Variants in ZNF585B observed in about 807,000 individuals in gnomAD.
The protein encoded by ZNF585B is zinc finger protein 41-like protein.
In ZNF585B, 7 loss-of-function variants were observed where a neutral mutation model predicts 14.0. The observed-to-expected ratio is 0.50, with a 90% confidence interval of 0.28 to 0.94. The LOEUF (loss-of-function observed/expected upper bound fraction) is 0.94. Ranked by LOEUF, ZNF585B falls within the 40% of genes least tolerant of loss-of-function variation. ZNF585B has a pLI of 0.09. For synonymous variants in ZNF585B, 290 were observed against 317.3 expected (o/e 0.91, Z 0.91); for missense variants, 750 against 924.4 (o/e 0.81, Z 2.45).
intron 2 of ZNF585B, among the ~76,000 whole-genome samples, chr19:37,203,628 T>C (rs1224297847): frequency 1.3e-5 from 2 of 152,230 alleles, no homozygotes; most frequent in Non-Finnish European, 2.9e-5. Context: ...CTTTCTGTTT[T>C]GTTTTGTTTT....
At chr19:37,205,279 T>C (rs1373649329) in intron 2 of ZNF585B, among the ~76,000 whole-genome samples, 1 of 152,086 alleles carries the variant, frequency 6.6e-6, no homozygotes, top group African/African-American at 2.4e-5. Flanking sequence ...ATTAAGATAC[T>C]CAATCCTAAA....
intron 2 of ZNF585B, among the ~76,000 whole-genome samples, chr19:37,192,367 T>C (rs1972410934): frequency 6.6e-6 from 1 of 151,918 alleles, no homozygotes; most frequent in Non-Finnish European, 1.5e-5. Flanking sequence ...ACTTGGAAGA[T>C]AAGAAGAGTA....
chr19:37,193,612 T>TA (rs1972428569), intron 2 of ZNF585B, among the ~76,000 whole-genome samples: 1 of 151,654 alleles, frequency 6.6e-6, no homozygotes, highest in Admixed American at 6.6e-5. Context: ...ACCCTGTCCC[T>TA]AAAAAAATAC....
chr19:37,202,021 TC>T (rs904040844), intron 2 of ZNF585B, among the ~76,000 whole-genome samples: 1 of 152,194 alleles, frequency 6.6e-6, no homozygotes, highest in Non-Finnish European at 1.5e-5. Context: ...TTTCATCTAC[TC>T]TTTTTTTTCT....
intron 4 of ZNF585B, among the ~76,000 whole-genome samples, chr19:37,188,698 C>A (rs909480602): frequency 6.6e-6 from 1 of 151,210 alleles, no homozygotes; most frequent in African/African-American, 2.4e-5. Flanking sequence ...CAAAGCCAAC[C>A]AGGAAGAGAG....
intron 2 of ZNF585B, among the ~76,000 whole-genome samples, chr19:37,200,872 C>T (rs1972523877): frequency 6.6e-6 from 1 of 151,934 alleles, no homozygotes; most frequent in African/African-American, 2.4e-5. Context: ...AGGCGGATCA[C>T]CTGAGGTCAG....
intron 2 of ZNF585B, among the ~76,000 whole-genome samples, chr19:37,201,188 G>C (rs1972527910): frequency 6.6e-6 from 1 of 151,996 alleles, no homozygotes; most frequent in Non-Finnish European, 1.5e-5. Context: ...GGCCTATCTG[G>C]AATTGCCAAA....
Position 37,186,128 on chromosome 19 carries a change from T to G in ZNF585B, c.1409A>C (p.Lys470Thr). The change falls in exon 5 of 5, where the codon AAA (lysine) becomes ACA (threonine). Residue 470 changes from lysine (K) to threonine (T), a missense_variant. Around this residue, in one of 2 missense-constraint regions of ZNF585B, gnomAD observed 517 missense variants for 570.3 expected, o/e 0.91. Coordinates refer to ENST00000532828, the MANE Select transcript of ZNF585B (RefSeq NM_152279.4). ...CCGGTTGGTGAATGCCTTCCCACAT[T>G]TATTGCATACATAGGGCTTTTCTCC... ...HTGEKPYVCN[K>T]CGKAFTNRSN... 6.2e-7 allele frequency: 1 copy of G among 1,614,196 alleles called. No individual in the cohort carries two copies. Among genetic ancestry groups the G allele is most frequent in the African/African-American group, 1.3e-5 (1 of 75,058 alleles).
Position 37,196,682 on chromosome 19 carries a change from G to A in ZNF585B, c.73-6532C>T, listed in dbSNP as rs562134636. On this transcript the variant is annotated intron_variant, in intron 2 of 4. Coordinates refer to ENST00000532828, the MANE Select transcript of ZNF585B (RefSeq NM_152279.4). ...AGACCATAAGGGCAAAGACCTTCAT[G>A]ATGATTCACTTCCACTTAATAAATA... Among the ~76,000 whole-genome samples the A allele has an allele frequency of 5.9e-5, 9 of 152,212 alleles. No homozygotes were observed. In the South Asian group the frequency reaches 1.7e-3, roughly 28 times the overall value.
chr19:37,186,143 G>C lies in ZNF585B; in HGVS notation c.1394C>G (p.Pro465Arg). 6.2e-7 allele frequency: 1 copy of C among 1,614,124 alleles called. No individual in the cohort carries two copies. Among genetic ancestry groups the C allele is most frequent in the Non-Finnish European group, 8.5e-7 (1 of 1,180,032 alleles). ...CTTCCCACATTTATTGCATACATAG[G>C]GCTTTTCTCCTGTGTGAATTCGTTT... ...VHKRIHTGEK[P>R]YVCNKCGKAF... is the part of the protein sequence containing the mutation. Residue 465 changes from proline (P) to arginine (R), a missense_variant, in exon 5 of 5, where the codon CCC becomes CGC. This residue lies in a region of ZNF585B where 517 missense variants were observed against 570.3 expected (regional missense o/e 0.91). Transcript: ENST00000532828.
intron 3 of ZNF585B, 67 bp from the exon 4 acceptor site, chr19:37,189,820 C>T (rs1599763341): frequency 1.2e-6 from 2 of 1,601,840 alleles, no homozygotes; most frequent in East Asian, 2.2e-5. Flanking sequence ...CAAATACAGT[C>T]TTATTGTTCA....
chr19:37,209,891 A>G (rs980603539), intron 1 of ZNF585B, among the ~76,000 whole-genome samples: 2 of 151,310 alleles, frequency 1.3e-5, no homozygotes, highest in Non-Finnish European at 2.9e-5. Context: ...AATTTTTTGT[A>G]TTTTTAGTAG....
chr19:37,199,079 T>G (rs1452136450), intron 2 of ZNF585B: 6 of 1,342,710 alleles, frequency 4.5e-6, no homozygotes, highest in Non-Finnish European at 6.1e-6. Context: ...CATGTTCTAA[T>G]TTTTCTCTTT....
At chr19:37,202,728 C>T (rs905124424) in intron 2 of ZNF585B, among the ~76,000 whole-genome samples, 2 of 151,504 alleles carry the variant, frequency 1.3e-5, no homozygotes, top group Admixed American at 6.6e-5. Flanking sequence ...CTGCAACCTC[C>T]GCCACCTGAG....
chr19:37,203,972 A>C (rs1599768781), intron 2 of ZNF585B, among the ~76,000 whole-genome samples: 1 of 152,376 alleles, frequency 6.6e-6, no homozygotes, highest in Admixed American at 6.5e-5. Context: ...TCTTTGTCAG[A>C]AAACAATCAA....
At position 37,184,757 on chromosome 19, in the gene ZNF585B, A is replaced by C; in HGVS notation, c.*470T>G. The C allele has an allele frequency of 2.6e-6, 1 of 377,994 alleles. No individual in the cohort carries two copies. Among genetic ancestry groups the C allele is most frequent in the South Asian group, 1.3e-4 (1 of 7,616 alleles). 23.4% of individuals were successfully genotyped at this position (377,994 alleles called of 1,614,324 possible). ...ATATGCACAACTGTGTTCGATTCAAAAGAAGAAAATACCCACAATTCTACT... is the reference window on the plus strand; with the variant it reads ...ATATGCACAACTGTGTTCGATTCAACAGAAGAAAATACCCACAATTCTACT... On this transcript the variant is annotated 3_prime_UTR_variant, in exon 5 of 5. Coordinates refer to ENST00000532828, the MANE Select transcript of ZNF585B (RefSeq NM_152279.4).
At chr19:37,199,545 T>C (rs373468694) in intron 2 of ZNF585B, 58 of 439,986 alleles carry the variant, frequency 1.3e-4, no homozygotes, top group South Asian at 8.9e-4. Flanking sequence ...AAAATAACAG[T>C]TTGTCCAGGA....
At chr19:37,200,574 A>G (rs1011408112) in intron 2 of ZNF585B, among the ~76,000 whole-genome samples, 3 of 151,050 alleles carry the variant, frequency 2.0e-5, no homozygotes, top group Non-Finnish European at 2.9e-5. Context: ...AAAAAAGCAC[A>G]AAAGGTGGCA....
intron 4 of ZNF585B, among the ~76,000 whole-genome samples, chr19:37,188,796 A>G (rs1003749371): frequency 6.6e-6 from 1 of 152,230 alleles, no homozygotes; most frequent in Non-Finnish European, 1.5e-5. Flanking sequence ...CACAGCAGAG[A>G]GGTATTCCCA....
Sources: allele counts gnomAD v4.1 joint callset (sites outside exome capture counted in the v4.1 genomes callset), GRCh38; gene constraint gnomAD v4.1.1; regional missense constraint gnomAD v4.1.1; transcripts MANE v1.5; gene names NCBI Gene and HGNC (gene_info 2026-07-23, HGNC 2026-07-21).